The following FBXW10 variants were observed in gnomAD, a reference collection of about 807,000 sequenced individuals.
FBXW10 encodes the protein F-box/WD repeat-containing protein 10.
A neutral mutation model predicts 113.1 loss-of-function variants in FBXW10; 68 were observed. That is an observed-to-expected ratio of 0.60 (90% CI 0.49 to 0.74). The LOEUF (loss-of-function observed/expected upper bound fraction) is 0.74, where lower values mean the gene tolerates loss of function less well. FBXW10 is among the 30% of genes least tolerant of loss of function. The probability of loss-of-function intolerance (pLI) is 0.00; values close to 1 mark genes in which losing one functional copy is unlikely to be tolerated. For missense variants in FBXW10, 753 were observed against 1,284.5 expected, an observed-to-expected ratio of 0.59 and a Z score of 6.32; for synonymous variants, 289 against 481.6, an observed-to-expected ratio of 0.60 and a Z score of 5.24.
At chr17:18,747,188 A>C (rs2035055265) in intron 1 of FBXW10, among the ~76,000 whole-genome samples, 1 of 152,050 alleles carries the variant, frequency 6.6e-6, no homozygotes, top group Non-Finnish European at 1.5e-5. Context: ...AGCCTCCCAG[A>C]GTGCTGGGAT....
Position 18,778,744 on chromosome 17 carries a change from C to A in FBXW10, c.2605C>A (p.Arg869=). 6.2e-7 allele frequency: 1 copy of A among 1,613,094 alleles called. No individual in the cohort carries two copies. Among genetic ancestry groups the A allele is most frequent in the Non-Finnish European group, 8.5e-7 (1 of 1,179,346 alleles). The change falls in exon 14 of 14, where the codon CGG becomes AGG. Residue 869 remains arginine, a synonymous_variant. Transcript: ENST00000395665. ...KGKSIQRAVD[R]LRLSNPPIDV... is the part of the protein sequence containing the mutation. Reference sequence around the variant, plus strand: ...AAAATCAATCCAACGTGCAGTTGATCGGTTGAGATTGAGCAATCCTCCTAT... The same window carrying A: ...AAAATCAATCCAACGTGCAGTTGATAGGTTGAGATTGAGCAATCCTCCTAT...
chr17:18,761,725 T>G (rs1262574619), intron 7 of FBXW10, among the ~76,000 whole-genome samples: 1 of 152,248 alleles, frequency 6.6e-6, no homozygotes, highest in Non-Finnish European at 1.5e-5. Flanking sequence ...GTGTTCTTTC[T>G]TAGAGCCTTA....
chr17:18,744,868 C>CT (rs2035011085), intron 1 of FBXW10, 119 bp downstream of exon 1: 1 of 1,518,996 alleles, frequency 6.6e-7, no homozygotes, highest in Admixed American at 2.3e-5. Context: ...GCACAGAACT[C>CT]AGCATAGGTT....
intron 7 of FBXW10, among the ~76,000 whole-genome samples, 174 bp downstream of exon 7, chr17:18,758,679 G>T (rs2035321507): frequency 7.7e-6 from 1 of 129,116 alleles, no homozygotes; most frequent in Non-Finnish European, 1.6e-5. Context: ...TGTATATATT[G>T]CTTAAAATTT....
rs371467039 is a variant in FBXW10 at position 18,778,956 on chromosome 17, G to A, written c.2817G>A (p.Thr939=). Reference sequence around the variant, plus strand: ...CAATTGAAAGGGCTGTGTGCAGTACGGGTCCCCTGACCAGTATGCAGGTCA... The same window carrying A: ...CAATTGAAAGGGCTGTGTGCAGTACAGGTCCCCTGACCAGTATGCAGGTCA... The part of the protein sequence containing the change: ...TSSIERAVCS[T]GPLTSMQVIK... The change falls in exon 14 of 14, where the codon ACG becomes ACA. Residue 939 remains threonine (T), a synonymous_variant. Coordinates refer to ENST00000395665, the MANE Select transcript of FBXW10 (RefSeq NM_001267585.2). The A allele has an allele frequency of 6.3e-5, 101 of 1,608,588 alleles. No individual in the cohort carries two copies. The highest frequency in any genetic ancestry group is 6.1e-4 in the African/African-American group (45 of 74,232).
At chr17:18,771,448 G>A (rs964925015) in intron 11 of FBXW10, among the ~76,000 whole-genome samples, 8 of 152,128 alleles carry the variant, frequency 5.3e-5, no homozygotes, top group East Asian at 1.9e-4. Context: ...CACAGGAAGG[G>A]GACAGGGAGG....
intron 13 of FBXW10, among the ~76,000 whole-genome samples, chr17:18,776,130 C>T (rs888730119): frequency 2.6e-5 from 4 of 151,950 alleles, no homozygotes; most frequent in African/African-American, 9.7e-5. Flanking sequence ...ACCAGTCTGG[C>T]CAACATGGTG....
At chr17:18,777,170 T>A (rs1343564081) in intron 13 of FBXW10, among the ~76,000 whole-genome samples, 2 of 151,340 alleles carry the variant, frequency 1.3e-5, no homozygotes, top group Admixed American at 1.3e-4. Context: ...CAAGCGATTC[T>A]CCTGCCTCAG....
intron 11 of FBXW10, 34 bp downstream of exon 11, chr17:18,770,119 T>C (rs560873788): frequency 1.2e-6 from 2 of 1,609,274 alleles, no homozygotes; most frequent in South Asian, 2.2e-5. Context: ...GAACTGTGAG[T>C]GATTCTGTTG....
chr17:18,768,296 G>T (rs1177364913), intron 9 of FBXW10, among the ~76,000 whole-genome samples: 1 of 152,178 alleles, frequency 6.6e-6, no homozygotes. Flanking sequence ...TCAATCTCCT[G>T]ACCTTGTGAT....
intron 6 of FBXW10, 57 bp downstream of exon 6, chr17:18,756,211 C>T (rs2035261844): frequency 2.6e-6 from 4 of 1,530,128 alleles, no homozygotes; most frequent in Non-Finnish European, 3.6e-6. Flanking sequence ...CCCACACTGA[C>T]ATTTGGGATT....
intron 1 of FBXW10, among the ~76,000 whole-genome samples, chr17:18,746,077 A>G (rs1200421659): frequency 2.0e-5 from 3 of 152,074 alleles, no homozygotes; most frequent in African/African-American, 7.2e-5. Context: ...GTAGCAAGAG[A>G]AGGGGAGGGG....
At position 18,778,721 on chromosome 17, in the gene FBXW10, A is replaced by G. The variant is rs1313525902; in HGVS notation, c.2582A>G (p.Lys861Arg). The G allele has an allele frequency of 6.2e-7, 1 of 1,613,512 alleles. No individual in the cohort carries two copies. Among genetic ancestry groups the G allele is most frequent in the South Asian group, 1.1e-5 (1 of 91,062 alleles). ...AGGAAGGTCTTGAATTTCAAAGGAA[A>G]ATCAATCCAACGTGCAGTTGATCGG... ...YPRKVLNFKGKSIQRAVDRLR... is the reference protein window; with the variant it reads ...YPRKVLNFKGRSIQRAVDRLR... Residue 861 changes from lysine (K) to arginine (R), a missense_variant, in exon 14 of 14, where the codon AAA becomes AGA. Transcript: ENST00000395665.
chr17:18,744,857 T>C (rs1306738627), intron 1 of FBXW10, 108 bp downstream of exon 1: 1 of 1,542,050 alleles, frequency 6.5e-7, no homozygotes, highest in Non-Finnish European at 8.7e-7. Flanking sequence ...AGACAGAGAT[T>C]GCACAGAACT....
At chr17:18,762,016 G>A (rs1490349818) in intron 7 of FBXW10, among the ~76,000 whole-genome samples, 3 of 151,524 alleles carry the variant, frequency 2.0e-5, no homozygotes, top group Non-Finnish European at 2.9e-5. Flanking sequence ...AGGCTAGAGT[G>A]CAGTAGTGCG....
chr17:18,766,495 TC>T (rs1191499655), intron 8 of FBXW10, among the ~76,000 whole-genome samples: 4 of 152,140 alleles, frequency 2.6e-5, no homozygotes, highest in Non-Finnish European at 1.5e-5. Context: ...GTGGGCTCCC[TC>T]AACCACCTGT....
At position 18,778,940 on chromosome 17, in the gene FBXW10, G is replaced by A; in HGVS notation, c.2801G>A (p.Arg934Lys). The change falls in exon 14 of 14, where the codon AGG becomes AAG. Residue 934 changes from arginine to lysine, a missense_variant. Physicochemically the swap from Arg to Lys is conservative, Grantham distance 26. Transcript: ENST00000395665. ...GACCAAGTGACCAGTTCAATTGAAA[G>A]GGCTGTGTGCAGTACGGGTCCCCTG... ...GGDQVTSSIE[R>K]AVCSTGPLTS... is the part of the protein sequence containing the mutation. 6.2e-7 allele frequency: 1 copy of A among 1,611,176 alleles called. No individual in the cohort carries two copies. The highest frequency in any genetic ancestry group is 1.7e-4 in the Middle Eastern group (1 of 6,054).
chr17:18,757,618 G>T (rs2035291705), intron 6 of FBXW10, among the ~76,000 whole-genome samples: 1 of 152,194 alleles, frequency 6.6e-6, no homozygotes, highest in Admixed American at 6.5e-5. Context: ...CTGTACTCCA[G>T]CCTGGGTGAC....
chr17:18,775,584 G>A (rs751331527), intron 13 of FBXW10, among the ~76,000 whole-genome samples: 2 of 152,174 alleles, frequency 1.3e-5, no homozygotes, highest in Non-Finnish European at 2.9e-5. Flanking sequence ...TCTGAGAAAT[G>A]GGCACAATAA....
Sources: gnomAD v4.1 joint callset for allele counts (sites outside exome capture counted in the v4.1 genomes callset) on GRCh38, gnomAD v4.1.1 for gene constraint, MANE v1.5 for transcripts, NCBI Gene and HGNC (gene_info 2026-07-23, HGNC 2026-07-21) for gene names.